Variants in LSM1 observed in about 807,000 individuals in gnomAD.
LSM1 encodes the protein LSM1 homolog, mRNA degradation associated.
Under a neutral mutation model 18.0 loss-of-function variants are expected in LSM1, and 13 were observed. That is an observed-to-expected ratio of 0.72 (90% CI 0.47 to 1.15). The LOEUF (loss-of-function observed/expected upper bound fraction) is 1.15. Among genes scored for constraint, LSM1 ranks in the 50% most tolerant of loss-of-function variants. LSM1 has a pLI of 0.00. For missense variants in LSM1, 152 were observed against 157.7 expected (o/e 0.96, Z 0.19); for synonymous variants, 46 against 56.0 (o/e 0.82, Z 0.80).
At chr8:38,165,056 A>C (rs1802906737) in intron 3 of LSM1, among the ~76,000 whole-genome samples, 1 of 152,164 alleles carries the variant, frequency 6.6e-6, no homozygotes, top group African/African-American at 2.4e-5. Flanking sequence ...TATTTAAAAA[A>C]TTGCTGCTTA....
rs182502588 is a variant in LSM1, at chr8:38,173,162, A to C, written c.47-1129T>G. ...GCAAAATTTCTTTCATTCCATGCCT[A>C]AAGTACTTTCTAGATGCAGAACAGA... On this transcript the variant is annotated intron_variant, in intron 1 of 3. Coordinates refer to ENST00000311351, the MANE Select transcript of LSM1 (RefSeq NM_014462.3). Among the ~76,000 whole-genome samples, 7 of 152,300 alleles carry C rather than the reference A, an allele frequency of 4.6e-5. No homozygotes were observed. In the East Asian group the frequency reaches 1.3e-3, roughly 29 times the overall value.
At chr8:38,165,786 G>C (rs1281196002) in intron 3 of LSM1, among the ~76,000 whole-genome samples, 1 of 151,828 alleles carries the variant, frequency 6.6e-6, no homozygotes, top group Non-Finnish European at 1.5e-5. Flanking sequence ...GAGGCTGAGG[G>C]GGGAGGATCA....
intron 1 of LSM1, among the ~76,000 whole-genome samples, chr8:38,172,977 C>A (rs1302251370): frequency 1.3e-5 from 2 of 152,052 alleles, no homozygotes; most frequent in Admixed American, 6.6e-5. Context: ...AAGAAAATAA[C>A]CTATTGTGAT....
chr8:38,165,224 G>A (rs539027726), intron 3 of LSM1, among the ~76,000 whole-genome samples: 1 of 152,020 alleles, frequency 6.6e-6, no homozygotes, highest in Non-Finnish European at 1.5e-5. Context: ...GTGGTGGCAG[G>A]TGCCTGTAAT....
chr8:38,168,876 CA>C lies in LSM1; in HGVS notation c.231+925del, dbSNP rs972874135. ...TATTTCCAATATGAGGTCTCTGAAC[CA>C]ACCCAACCCTAGCAGAATTATCTCC... On this transcript the variant is annotated intron_variant, in intron 3 of 3. Transcript: ENST00000311351. Among the ~76,000 whole-genome samples, 7 of 152,094 alleles carry C rather than the reference CA, an allele frequency of 4.6e-5. No homozygotes were observed. In the East Asian group the frequency reaches 1.4e-3, roughly 29 times the overall value.
chr8:38,164,256 C>T (rs146323794), intron 3 of LSM1, among the ~76,000 whole-genome samples: 1,743 of 152,190 alleles, frequency 0.011, 22 homozygotes, highest in South Asian at 0.026. Context: ...GGTTTCACCA[C>T]GTTGGTCAGG....
chr8:38,168,369 T>C (rs1802972943), intron 3 of LSM1, among the ~76,000 whole-genome samples: 1 of 150,792 alleles, frequency 6.6e-6, no homozygotes, highest in Non-Finnish European at 1.5e-5. Context: ...GGCGGGTAGA[T>C]CGCCTGAGGT....
intron 1 of LSM1, among the ~76,000 whole-genome samples, chr8:38,172,303 GTTT>G (rs796403624): frequency 7.1e-5 from 10 of 140,852 alleles, no homozygotes; most frequent in Non-Finnish European, 1.2e-4. Flanking sequence ...CCTTATGTTG[GTTT>G]TTTTTTTTTC....
At chr8:38,168,000 C>T (rs189935110) in intron 3 of LSM1, among the ~76,000 whole-genome samples, 45 of 150,318 alleles carry the variant, frequency 3.0e-4, no homozygotes, top group African/African-American at 9.5e-4. Context: ...CTTGCTCTGT[C>T]GCCCAGGCTG....
upstream of LSM1, chr8:38,176,602 T>G: frequency 1.8e-6 from 1 of 563,340 alleles, no homozygotes; most frequent in Non-Finnish European, 3.1e-6. Context: ...AAGAGGAAAC[T>G]CCATTGGATA....
chr8:38,176,180 C>A, intron 1 of LSM1, 95 bp downstream of exon 1: 1 of 1,063,560 alleles, frequency 9.4e-7, no homozygotes, highest in Non-Finnish European at 1.4e-6. Flanking sequence ...ACCGGCCCCG[C>A]CCGGGACTCA....
intron 3 of LSM1, among the ~76,000 whole-genome samples, chr8:38,165,564 G>A (rs1802914069): frequency 6.6e-6 from 1 of 151,458 alleles, no homozygotes. Context: ...AGGTGTGGTG[G>A]CTCACACTTG....
intron 1 of LSM1, chr8:38,176,057 C>T (rs1803132584): frequency 6.3e-6 from 3 of 479,094 alleles, no homozygotes; most frequent in Non-Finnish European, 1.1e-5. Context: ...AGCTAGAGGG[C>T]TGGCGGAGGC....
At chr8:38,167,813 C>T (rs1042130390) in intron 3 of LSM1, among the ~76,000 whole-genome samples, 2 of 152,048 alleles carry the variant, frequency 1.3e-5, no homozygotes, top group African/African-American at 4.8e-5. Flanking sequence ...ACTTGGGAGG[C>T]TGAGACAGGA....
intron 2 of LSM1, among the ~76,000 whole-genome samples, chr8:38,171,590 C>T (rs1375283714): frequency 1.3e-5 from 2 of 152,184 alleles, no homozygotes; most frequent in African/African-American, 4.8e-5. Flanking sequence ...TCACTTGAAC[C>T]CAAGAGGCGG....
chr8:38,171,900 C>CA (rs1377812928), intron 2 of LSM1, 65 bp downstream of exon 2: 2 of 1,251,650 alleles, frequency 1.6e-6, no homozygotes, highest in Non-Finnish European at 2.3e-6. Context: ...TATTAAATAA[C>CA]AAAAAATGCA....
At chr8:38,172,189 CG>C (rs1215656017) in intron 1 of LSM1, among the ~76,000 whole-genome samples, 156 bp from the exon 2 acceptor site, 1 of 147,964 alleles carries the variant, frequency 6.8e-6, no homozygotes, top group Non-Finnish European at 1.5e-5. Flanking sequence ...AGCACAGCAA[CG>C]CGGATTTAGA....
intron 3 of LSM1, among the ~76,000 whole-genome samples, chr8:38,169,004 T>A (rs955854085): frequency 1.5e-4 from 23 of 152,158 alleles, no homozygotes; most frequent in African/African-American, 4.8e-4. Context: ...AAAACAGTAT[T>A]AAAAACTTTA....
chr8:38,168,801 C>T (rs1316247580), intron 3 of LSM1, among the ~76,000 whole-genome samples: 1 of 151,808 alleles, frequency 6.6e-6, no homozygotes, highest in Non-Finnish European at 1.5e-5. Context: ...TCATATACTT[C>T]ATATATTTCA....
Sources: gnomAD v4.1 joint callset for allele counts (sites outside exome capture counted in the v4.1 genomes callset) on GRCh38, gnomAD v4.1.1 for gene constraint, MANE v1.5 for transcripts, NCBI Gene and HGNC (gene_info 2026-07-23, HGNC 2026-07-21) for gene names.